Variants in SMARCD3 observed in about 807,000 individuals in gnomAD.
SMARCD3 encodes the protein SWI/SNF related BAF chromatin remodeling complex subunit D3.
Under a neutral mutation model 58.0 loss-of-function variants are expected in SMARCD3, and 14 were observed. The observed-to-expected ratio is 0.24, with a 90% CI of 0.16 to 0.38. The LOEUF (loss-of-function observed/expected upper bound fraction) is 0.38, where lower values mean the gene tolerates loss of function less well. Ranked by LOEUF, SMARCD3 falls within the 10% of genes least tolerant of loss-of-function variation. The probability of loss-of-function intolerance (pLI) is 1.00; values close to 1 mark genes in which losing one functional copy is unlikely to be tolerated. For synonymous variants in SMARCD3, 253 were observed against 253.8 expected (o/e 1.00, Z 0.03); for missense variants, 408 against 636.9 (o/e 0.64, Z 3.87).
At chr7:151,254,954 T>G (rs1343992934) in intron 2 of SMARCD3, among the ~76,000 whole-genome samples, 1 of 152,152 alleles carries the variant, frequency 6.6e-6, no homozygotes, top group Non-Finnish European at 1.5e-5. Context: ...TTAAATCAAA[T>G]GGCAGCGGGC....
intron 1 of SMARCD3, among the ~76,000 whole-genome samples, chr7:151,275,940 G>C (rs776684777): frequency 4.6e-5 from 7 of 152,106 alleles, no homozygotes; most frequent in Non-Finnish European, 8.8e-5. Flanking sequence ...GAGTGGCTCA[G>C]GGTCTGGTTA....
At chr7:151,252,477 GGAGA>G (rs1266900834), upstream of SMARCD3, among the ~76,000 whole-genome samples, 13 of 151,900 alleles carry the variant, frequency 8.6e-5, no homozygotes, top group African/African-American at 2.9e-4. Context: ...GAGAGGAGAG[GGAGA>G]GAGAGAAAGA....
rs775252094 is a variant in SMARCD3 at position 151,239,764 on chromosome 7, G to T, written c.1174-18C>A. On this transcript the variant is annotated intron_variant, in intron 10 of 12. Transcript: ENST00000262188. This position sits in a 1 kb window ranked among gnomAD's most constrained non-coding sequence, Gnocchi z 7.0. Reference sequence around the variant, plus strand: ...TCATGGATCTGCAGGTAGAAAGATAGATGCTTTCCACCTGGCTTTGGTGAT... The same window carrying T: ...TCATGGATCTGCAGGTAGAAAGATATATGCTTTCCACCTGGCTTTGGTGAT... 2 of 1,612,746 alleles carry T rather than the reference G, an allele frequency of 1.2e-6. No individual in the cohort carries two copies. Among genetic ancestry groups the T allele is most frequent in the African/African-American group, 2.7e-5 (2 of 74,850 alleles).
intron 9 of SMARCD3, 78 bp from the exon 10 acceptor site, chr7:151,240,325 C>T (rs918202668): frequency 6.2e-7 from 1 of 1,605,794 alleles, no homozygotes. Flanking sequence ...GCAGATCCAA[C>T]AGGGAGGGAG....
intron 1 of SMARCD3, chr7:151,275,287 G>GAT: frequency 1.3e-6 from 1 of 758,836 alleles, no homozygotes; most frequent in Non-Finnish European, 2.3e-6. Flanking sequence ...CCCCAGCGTA[G>GAT]ATTCAAGGAG....
At chr7:151,247,636 G>GCCT (rs1803331772) in intron 1 of SMARCD3, among the ~76,000 whole-genome samples, 1 of 152,036 alleles carries the variant, frequency 6.6e-6, no homozygotes, top group African/African-American at 2.4e-5. Context: ...TCTACACAGG[G>GCCT]CCTCCACTCC....
rs978791521 is a variant in SMARCD3 at position 151,241,896 on chromosome 7, A to T, written c.758T>A (p.Leu253His). The change falls in exon 7 of 13, where the codon CTC becomes CAC. Residue 253 changes from leucine (L) to histidine (H), a missense_variant. This residue lies in a region of SMARCD3 where 115 missense variants were observed against 257.2 expected (regional missense o/e 0.45). Coordinates refer to ENST00000262188, the MANE Select transcript of SMARCD3 (RefSeq NM_001003801.2). The surrounding 1 kb of genome is among the most constrained non-coding windows in gnomAD (Gnocchi z 5.3). Reference protein sequence around the residue: ...PGDLSVRCTLLLMLDYQPPQF... With the variant: ...PGDLSVRCTLHLMLDYQPPQF... ...GCAGACCTGGTAGTCCAGCATGAGGAGCAGCGTGCAGCGCACACTCAGGTC... is the reference window on the plus strand; with the variant it reads ...GCAGACCTGGTAGTCCAGCATGAGGTGCAGCGTGCAGCGCACACTCAGGTC... 6.2e-7 allele frequency: 1 copy of T among 1,611,194 alleles called. No individual in the cohort carries two copies. The highest frequency in any genetic ancestry group is 1.3e-5 in the African/African-American group (1 of 74,868).
intron 2 of SMARCD3, among the ~76,000 whole-genome samples, chr7:151,271,090 G>A (rs1452609730): frequency 6.6e-6 from 1 of 152,110 alleles, no homozygotes; most frequent in Non-Finnish European, 1.5e-5. Flanking sequence ...AAGGAAACAT[G>A]TACTGTATTC....
rs183669498 is a variant in SMARCD3 at position 151,246,726 on chromosome 7, C to G, written c.79-1055G>C. Among the ~76,000 whole-genome samples, 106 of 152,240 alleles carry G rather than the reference C, an allele frequency of 7.0e-4. No homozygotes were observed. Among genetic ancestry groups the G allele is most frequent in the African/African-American group, 2.4e-3 (98 of 41,542 alleles). On this transcript the variant is annotated intron_variant, in intron 1 of 12. Transcript: ENST00000262188. This position sits in a 1 kb window ranked among gnomAD's most constrained non-coding sequence, Gnocchi z 4.4. ...GGTCAGATGGGGTGTAAATGAGATGCAAATGCATCGAGCGAAGTGTTCCAA... is the reference window on the plus strand; with the variant it reads ...GGTCAGATGGGGTGTAAATGAGATGGAAATGCATCGAGCGAAGTGTTCCAA...
rs746797800 is a variant in SMARCD3, at chr7:151,239,351, T to A, written c.1398+45A>T. On this transcript the variant is annotated intron_variant, in intron 12 of 12. Coordinates refer to ENST00000262188, the MANE Select transcript of SMARCD3 (RefSeq NM_001003801.2). The surrounding 1 kb of genome is among the most constrained non-coding windows in gnomAD (Gnocchi z 7.0). ...ACAAGCTGAACAGGGAGGTTTCTCT[T>A]GGAGTTGAGGATGGGGAAGCCTCAG... is the stretch of plus-strand genomic sequence containing the variant. 4.0e-6 allele frequency: 6 copies of A among 1,509,124 alleles called. No homozygotes were observed. Among genetic ancestry groups the A allele is most frequent in the Middle Eastern group, 1.7e-4 (1 of 5,862 alleles). 93.5% of individuals were successfully genotyped at this position (1,509,124 alleles called of 1,614,324 possible).
Position 151,241,358 on chromosome 7 carries a change from A to G in SMARCD3, c.939+134T>C. 1.2e-6 allele frequency: 1 copy of G among 809,530 alleles called. No individual in the cohort carries two copies. Among genetic ancestry groups the G allele is most frequent in the Non-Finnish European group, 2.1e-6 (1 of 479,270 alleles). The allele number at this position is 809,530 out of a possible 1,614,324, so 50.1% of individuals were successfully genotyped here. On this transcript the variant is annotated intron_variant, in intron 8 of 12. Coordinates refer to ENST00000262188, the MANE Select transcript of SMARCD3 (RefSeq NM_001003801.2). This position sits in a 1 kb window ranked among gnomAD's most constrained non-coding sequence, Gnocchi z 5.3. ...AATCCTGGTCGGTCTCTTGGCTCCA[A>G]GACCATGACTGTGTACTGCTTCTGC...
rs966229376 is a variant in SMARCD3 at position 151,239,814 on chromosome 7, G to A, written c.1174-68C>T. ...TGTGGGAGACGAGGGGAAAGGAAGCGGGTGGGAAGGGGAGGGAGAGGGGGT... is the reference window on the plus strand; with the variant it reads ...TGTGGGAGACGAGGGGAAAGGAAGCAGGTGGGAAGGGGAGGGAGAGGGGGT... On this transcript the variant is annotated intron_variant, in intron 10 of 12. Transcript: ENST00000262188. The surrounding 1 kb of genome is among the most constrained non-coding windows in gnomAD (Gnocchi z 7.0). 28 of 1,518,742 alleles carry A rather than the reference G, an allele frequency of 1.8e-5. No homozygotes were observed. In the East Asian group the frequency reaches 2.5e-4, roughly 13 times the overall value. 94.1% of individuals were successfully genotyped at this position (1,518,742 alleles called of 1,614,324 possible).
rs1233405985 is a variant in SMARCD3, at chr7:151,239,824, G to A, written c.1174-78C>T. Reference sequence around the variant, plus strand: ...GAGGGGAAAGGAAGCGGGTGGGAAGGGGAGGGAGAGGGGGTTTCTTCTGTG... The same window carrying A: ...GAGGGGAAAGGAAGCGGGTGGGAAGAGGAGGGAGAGGGGGTTTCTTCTGTG... On this transcript the variant is annotated intron_variant, in intron 10 of 12. Coordinates refer to ENST00000262188, the MANE Select transcript of SMARCD3 (RefSeq NM_001003801.2). This position sits in a 1 kb window ranked among gnomAD's most constrained non-coding sequence, Gnocchi z 7.0. The A allele has an allele frequency of 4.2e-6, 6 of 1,434,246 alleles. No homozygotes were observed. Among genetic ancestry groups the A allele is most frequent in the Non-Finnish European group, 5.8e-6 (6 of 1,025,648 alleles). 88.8% of individuals were successfully genotyped at this position (1,434,246 alleles called of 1,614,324 possible). A position where few individuals can be genotyped will look rare whatever the true frequency, so the allele number is the denominator to read the frequency against.
At chr7:151,252,883 C>G (rs1241798809), upstream of SMARCD3, among the ~76,000 whole-genome samples, 2 of 152,222 alleles carry the variant, frequency 1.3e-5, no homozygotes, top group Non-Finnish European at 1.5e-5. Context: ...GGGGCTGTCT[C>G]TCTGTGTGAC....
At position 151,242,291 on chromosome 7, in the gene SMARCD3, AG is replaced by A. The variant is rs1803033395; in HGVS notation, c.580-60del. 1 of 1,480,278 alleles carries A rather than the reference AG, an allele frequency of 6.8e-7. No homozygotes were observed. Among genetic ancestry groups the A allele is most frequent in the Non-Finnish European group, 9.4e-7 (1 of 1,058,372 alleles). The allele number at this position is 1,480,278 out of a possible 1,614,324, so 91.7% of individuals were successfully genotyped here. On this transcript the variant is annotated intron_variant, in intron 5 of 12. Coordinates refer to ENST00000262188, the MANE Select transcript of SMARCD3 (RefSeq NM_001003801.2). This position sits in a 1 kb window ranked among gnomAD's most constrained non-coding sequence, Gnocchi z 4.7. ...ACAGGGACGAGGTGGGAGGAGCAGAAGGAGGCCAAGTTGGCAGCCGACAGGG... is the reference window on the plus strand; with the variant it reads ...ACAGGGACGAGGTGGGAGGAGCAGAAGAGGCCAAGTTGGCAGCCGACAGGG...
At chr7:151,250,021 G>A (rs1803462929), upstream of SMARCD3, among the ~76,000 whole-genome samples, 1 of 152,124 alleles carries the variant, frequency 6.6e-6, no homozygotes, top group South Asian at 2.1e-4. Flanking sequence ...GGTGAGGGCA[G>A]GACCATAGCC....
chr7:151,241,517 A>T lies in SMARCD3; in HGVS notation c.914T>A (p.Ile305Asn). The T allele has an allele frequency of 6.2e-7, 1 of 1,612,512 alleles. No individual in the cohort carries two copies. Among genetic ancestry groups the T allele is most frequent in the Non-Finnish European group, 8.5e-7 (1 of 1,179,362 alleles). Residue 305 changes from isoleucine to asparagine, a missense_variant, in exon 8 of 13, where the codon ATC becomes AAC. This residue lies in a region of SMARCD3 where 115 missense variants were observed against 257.2 expected (regional missense o/e 0.45). Transcript: ENST00000262188. The surrounding 1 kb of genome is among the most constrained non-coding windows in gnomAD (Gnocchi z 5.3). ...RLQDSHDKEY[I>N]NGDKYFQQIF... Reference sequence around the variant, plus strand: ...CTGCTGGAAATACTTGTCCCCATTGATGTATTCCTTGTCATGGGAGTCCTG... The same window carrying T: ...CTGCTGGAAATACTTGTCCCCATTGTTGTATTCCTTGTCATGGGAGTCCTG...
At chr7:151,252,102 A>G (rs1803538773), upstream of SMARCD3, among the ~76,000 whole-genome samples, 1 of 152,052 alleles carries the variant, frequency 6.6e-6, no homozygotes, top group African/African-American at 2.4e-5. Flanking sequence ...CCCTGCGGGA[A>G]GATGGCCACC....
At chr7:151,240,391 C>T in intron 9 of SMARCD3, 34 bp downstream of exon 9, 1 of 1,595,268 alleles carries the variant, frequency 6.3e-7, no homozygotes, top group Non-Finnish European at 8.6e-7. Flanking sequence ...CGAGATCATT[C>T]CCTGGTCTGA....
Sources: gnomAD v4.1 joint callset for allele counts (sites outside exome capture counted in the v4.1 genomes callset) on GRCh38, gnomAD v4.1.1 for gene constraint, gnomAD v4.1.1 regional missense constraint, Gnocchi (gnomAD v3.1) non-coding constraint, MANE v1.5 for transcripts, NCBI Gene and HGNC (gene_info 2026-07-23, HGNC 2026-07-21) for gene names.